Variants in FANCI observed in about 807,000 individuals in gnomAD.
FANCI encodes Fanconi anemia group I protein.
Under a neutral mutation model 176.1 loss-of-function variants are expected in FANCI, and 156 were observed. That is an observed-to-expected ratio of 0.89 (90% CI 0.78 to 1.01). FANCI has a LOEUF of 1.01. Among genes scored for constraint, FANCI ranks in the 50% least tolerant of loss-of-function variants. The pLI is 0.00. For missense variants in FANCI, 1,678 were observed against 1,534.1 expected (o/e 1.09, Z -1.57); for synonymous variants, 613 against 541.7 (o/e 1.13, Z -1.83).
At position 89,278,689 on chromosome 15, in the gene FANCI, C is replaced by T. The variant is rs774175454; in HGVS notation, c.1296C>T (p.Ile432=). Residue 432 remains isoleucine (I), a splice_region_variant and synonymous_variant, in exon 14 of 38, where the codon ATC becomes ATT. Coordinates refer to ENST00000310775, the MANE Select transcript of FANCI (RefSeq NM_001113378.2). ...TTTATTTATTCTGTTCTTTTTAGAT[C>T]CATGAGATGATCAGACAAGAAATTT... The part of the protein sequence containing the change: ...GANILLETFK[I]HEMIRQEILE... The T allele has an allele frequency of 6.2e-7, 1 of 1,611,870 alleles. No homozygotes were observed. Among genetic ancestry groups the T allele is most frequent in the Non-Finnish European group, 8.5e-7 (1 of 1,178,066 alleles).
intron 16 of FANCI, 62 bp downstream of exon 16, chr15:89,281,897 T>C: frequency 1.4e-6 from 2 of 1,408,556 alleles, no homozygotes; most frequent in Non-Finnish European, 2.0e-6. Flanking sequence ...GCTAAAGTTA[T>C]CTCTGCCATC....
intron 20 of FANCI, 91 bp downstream of exon 20, chr15:89,291,805 CT>C: frequency 4.2e-6 from 4 of 942,612 alleles, no homozygotes; most frequent in Admixed American, 3.5e-5. Flanking sequence ...GTGAAACTCT[CT>C]TCCTGGTTCT....
Position 89,300,328 on chromosome 15 carries a change from A to C in FANCI, c.2832A>C (p.Arg944Ser), listed in dbSNP as rs79685648. 7.2e-4 allele frequency: 1,164 copies of C among 1,613,996 alleles called. 10 individuals are homozygous for C. In the African/African-American group the frequency reaches 0.014, roughly 19 times the overall value. The change falls in exon 26 of 38, where the codon AGA (arginine) becomes AGC (serine). Residue 944 changes from arginine (R) to serine (S), a missense_variant. Transcript: ENST00000310775. ...TCACAGATAAGGAAGGAGAAGAGAG[A>C]GAAGATGCAGATGTCAGTGTCACTC... ...LDVTDKEGEEREDADVSVTQR... is the reference protein window; with the variant it reads ...LDVTDKEGEESEDADVSVTQR...
chr15:89,273,662 G>A (rs1425126406), intron 11 of FANCI, among the ~76,000 whole-genome samples, 193 bp downstream of exon 11: 1 of 152,128 alleles, frequency 6.6e-6, no homozygotes, highest in Non-Finnish European at 1.5e-5. Flanking sequence ...ACTTTTACAG[G>A]TTTTTGGTTT....
At chr15:89,312,316 C>G (rs1194014588) in intron 34 of FANCI, among the ~76,000 whole-genome samples, 1 of 152,224 alleles carries the variant, frequency 6.6e-6, no homozygotes, top group East Asian at 1.9e-4. Flanking sequence ...AGCCCCTTGG[C>G]TGACCCACTG....
Position 89,260,762 on chromosome 15 carries a change from C to T in FANCI, c.207C>T (p.Tyr69=), listed in dbSNP as rs1474537629. 1.2e-6 allele frequency: 2 copies of T among 1,614,010 alleles called. No homozygotes were observed. The highest frequency in any genetic ancestry group is 3.3e-5 in the Admixed American group (2 of 60,016). Residue 69 remains tyrosine, a synonymous_variant, in exon 4 of 38, where the codon TAC becomes TAT. Coordinates refer to ENST00000310775, the MANE Select transcript of FANCI (RefSeq NM_001113378.2). ...EAGTLRRRKI[Y]TCCIQLVESG... is the part of the protein sequence containing the mutation. ...GAACACTTAGGAGACGTAAGATATA[C>T]ACTTGTTGTATCCAGTTGGTGGAAT... is the stretch of plus-strand genomic sequence containing the variant.
chr15:89,290,565 C>T, intron 19 of FANCI: 1 of 386,840 alleles, frequency 2.6e-6, no homozygotes. Context: ...ACCATTGCAA[C>T]TGTATCCATT....
intron 31 of FANCI, 121 bp from the exon 32 acceptor site, chr15:89,305,886 T>C (rs2054698797): frequency 3.7e-6 from 4 of 1,086,968 alleles, no homozygotes; most frequent in Non-Finnish European, 5.6e-6. Context: ...TCACTCTGCA[T>C]ATTGAATGTT....
intron 15 of FANCI, 65 bp downstream of exon 15, chr15:89,281,365 T>C (rs1484412754): frequency 1.9e-6 from 3 of 1,567,682 alleles, no homozygotes; most frequent in Non-Finnish European, 8.8e-7. Flanking sequence ...GGAAGTCTGA[T>C]GCATTTTTGT....
rs2151706100 is a variant in FANCI, at chr15:89,291,388, A to C, written c.1891-225A>C. 2.0e-5 allele frequency among the ~76,000 whole-genome samples: 3 copies of C among 152,340 alleles called. No homozygotes were observed. The South Asian group carries it at 6.2e-4, about 32-fold the overall frequency. On this transcript the variant is annotated intron_variant, in intron 19 of 37. Transcript: ENST00000310775. ...ATTGCATGTACAAGTTTAGGAATAG[A>C]AGGAATTGGAATAGGAAAGATGATC...
At chr15:89,282,120 TTGG>T (rs1219915665) in intron 16 of FANCI, 1 of 406,942 alleles carries the variant, frequency 2.5e-6, no homozygotes, top group Non-Finnish European at 4.6e-6. Context: ...AAAACAGTAG[TTGG>T]TGGTGGAGCA....
chr15:89,272,721 A>G (rs2013628), intron 10 of FANCI, among the ~76,000 whole-genome samples: 60,967 of 151,670 alleles, frequency 0.4, 12,368 homozygotes, highest in African/African-American at 0.42. Flanking sequence ...TTTTTGGGGG[A>G]TGCAGTGGCG....
Position 89,276,800 on chromosome 15 carries a change from GA to G in FANCI, c.1207del (p.Thr403LeufsTer33). ...TATGGGCCAAAGAAGGTTCTTGATG[GA>G]AAAACTATTGAAACCAGCCCAAGTC... Reference protein sequence around the residue: ...DSYGPKKVLDGKTIETSPSLS... With the variant: ...DSYGPKKVLDXKTIETSPSLS... On this transcript the variant is annotated frameshift_variant, in exon 13 of 38. Coordinates refer to ENST00000310775, the MANE Select transcript of FANCI (RefSeq NM_001113378.2). LOFTEE classifies it high-confidence loss of function. 6.2e-7 allele frequency: 1 copy of G among 1,614,154 alleles called. No homozygotes were observed. The highest frequency in any genetic ancestry group is 1.1e-5 in the South Asian group (1 of 91,090).
At chr15:89,312,746 G>A (rs750375980) in intron 34 of FANCI, among the ~76,000 whole-genome samples, 158 bp from the exon 35 acceptor site, 1 of 151,972 alleles carries the variant, frequency 6.6e-6, no homozygotes, top group Non-Finnish European at 1.5e-5. Context: ...CTTAACTCGG[G>A]GCGCAGAGGT....
In FANCI at chr15:89,312,982, T is replaced by C. The variant is rs756636181; in HGVS notation, c.3720+10T>C. On this transcript the variant is annotated intron_variant, in intron 35 of 37. Coordinates refer to ENST00000310775, the MANE Select transcript of FANCI (RefSeq NM_001113378.2). Reference sequence around the variant, plus strand: ...CGTTGCCACAGCCATGGTAAGCTGCTGACACTGACCGTTAAAATATGCTTG... The same window carrying C: ...CGTTGCCACAGCCATGGTAAGCTGCCGACACTGACCGTTAAAATATGCTTG... 1.7e-5 allele frequency: 27 copies of C among 1,613,584 alleles called. No homozygotes were observed. In the Admixed American group the frequency reaches 3.8e-4, roughly 23 times the overall value.
intron 7 of FANCI, 149 bp downstream of exon 7, chr15:89,263,609 T>C: frequency 2.5e-6 from 2 of 811,638 alleles, no homozygotes; most frequent in Non-Finnish European, 4.1e-6. Context: ...ACAGATTCCC[T>C]CCTCACTCCT....
At chr15:89,295,170 G>C in intron 24 of FANCI, 76 bp downstream of exon 24, 1 of 1,462,072 alleles carries the variant, frequency 6.8e-7, no homozygotes, top group Non-Finnish European at 9.2e-7. Flanking sequence ...GGGAACAGAG[G>C]ATGAAGGTAA....
intron 35 of FANCI, 147 bp from the exon 36 acceptor site, chr15:89,314,465 T>C (rs1054596653): frequency 3.1e-6 from 2 of 643,516 alleles, no homozygotes; most frequent in Non-Finnish European, 5.4e-6. Flanking sequence ...CTGCCAAAAA[T>C]TTTAGATTAC....
At chr15:89,277,820 C>A (rs1377649562) in intron 13 of FANCI, among the ~76,000 whole-genome samples, 1 of 151,888 alleles carries the variant, frequency 6.6e-6, no homozygotes, top group East Asian at 1.9e-4. Context: ...TCTAGTAATT[C>A]CTCTAAGTCT....
Sources: allele counts gnomAD v4.1 joint callset (sites outside exome capture counted in the v4.1 genomes callset), GRCh38; gene constraint gnomAD v4.1.1; transcripts MANE v1.5; gene names NCBI Gene and HGNC (gene_info 2026-07-23, HGNC 2026-07-21).